RALGPS2: variants seen among roughly 807,000 people sequenced by gnomAD.
The protein encoded by RALGPS2 is ras-specific guanine nucleotide-releasing factor RalGPS2.
In RALGPS2, 43 loss-of-function variants were observed where a neutral mutation model predicts 86.8. The ratio of observed to expected loss-of-function variants is 0.50; its 90% CI spans 0.39 to 0.64. The LOEUF (loss-of-function observed/expected upper bound fraction) is 0.64, where lower values mean the gene tolerates loss of function less well. Ranked by LOEUF, RALGPS2 falls within the 30% of genes least tolerant of loss-of-function variation. The pLI is 0.00. For missense variants in RALGPS2, 536 were observed against 694.6 expected (o/e 0.77, Z 2.57); for synonymous variants, 243 against 231.3 (o/e 1.05, Z -0.46).
chr1:178,824,405 A>G (rs1046796886), intron 7 of RALGPS2, among the ~76,000 whole-genome samples: 1 of 152,202 alleles, frequency 6.6e-6, no homozygotes, highest in African/African-American at 2.4e-5. Context: ...GGTGGCAATA[A>G]TCTAGTAGAA....
rs375227301 is a variant in RALGPS2, at chr1:178,885,109, G to A, written c.938G>A (p.Arg313Gln). Residue 313 changes from arginine to glutamine, a missense_variant, in exon 12 of 20, where the codon CGA (arginine) becomes CAA (glutamine). Coordinates refer to ENST00000367635, the MANE Select transcript of RALGPS2 (RefSeq NM_152663.5). ...GTAGGAGCGTCTCCACAGAGTGGAC[G>A]AAAAAGTGTGGCAGCTGAAGGAGCC... ...PEVGASPQSGRKSVAAEGALL... is the reference protein window; with the variant it reads ...PEVGASPQSGQKSVAAEGALL... 29 of 1,610,608 alleles carry A rather than the reference G, an allele frequency of 1.8e-5. No individual in the cohort carries two copies. The highest frequency in any genetic ancestry group is 1.0e-4 in the South Asian group (9 of 90,230).
intron 8 of RALGPS2, among the ~76,000 whole-genome samples, chr1:178,844,200 A>G (rs1656754659): frequency 6.6e-6 from 1 of 152,176 alleles, no homozygotes; most frequent in Non-Finnish European, 1.5e-5. Flanking sequence ...TGCTTTATTC[A>G]TTATGTCTGC....
chr1:178,809,535 A>G (rs1162925982), intron 5 of RALGPS2, among the ~76,000 whole-genome samples: 5 of 152,174 alleles, frequency 3.3e-5, no homozygotes, highest in South Asian at 2.1e-4. Flanking sequence ...TTAAAAAAAA[A>G]CAGTTTGTTA....
chr1:178,902,620 G>T (rs1235364624), intron 18 of RALGPS2, among the ~76,000 whole-genome samples: 4 of 151,938 alleles, frequency 2.6e-5, no homozygotes, highest in Admixed American at 2.6e-4. Flanking sequence ...ACCTTGAAAT[G>T]GATTGTTATT....
At chr1:178,898,022 T>G (rs1399295698) in intron 17 of RALGPS2, among the ~76,000 whole-genome samples, 1 of 152,052 alleles carries the variant, frequency 6.6e-6, no homozygotes, top group Non-Finnish European at 1.5e-5. Flanking sequence ...AACTATTGCC[T>G]TGGAGTTTCC....
At chr1:178,853,640 C>G in intron 8 of RALGPS2, 2 of 1,609,472 alleles carry the variant, frequency 1.2e-6, no homozygotes, top group South Asian at 1.1e-5. Context: ...GCCGTCTGTT[C>G]TTTTCTGAAT....
At chr1:178,750,110 C>T (rs1156896950) in intron 1 of RALGPS2, among the ~76,000 whole-genome samples, 1 of 152,030 alleles carries the variant, frequency 6.6e-6, no homozygotes, top group Non-Finnish European at 1.5e-5. Context: ...GACTCTGTCT[C>T]AAGAAAACAA....
At chr1:178,745,750 T>C (rs777430876) in intron 1 of RALGPS2, among the ~76,000 whole-genome samples, 11 of 151,676 alleles carry the variant, frequency 7.3e-5, no homozygotes, top group Non-Finnish European at 1.6e-4. Context: ...GCATGATCCT[T>C]AAAATAGCAC....
chr1:178,891,130 G>A (rs1659696506), intron 14 of RALGPS2, among the ~76,000 whole-genome samples: 1 of 152,034 alleles, frequency 6.6e-6, no homozygotes, highest in Non-Finnish European at 1.5e-5. Flanking sequence ...AGTATTTAAT[G>A]ATGTTACCTT....
chr1:178,747,062 G>A lies in RALGPS2; in HGVS notation c.-84+21643G>A, dbSNP rs1651377599. Reference sequence around the variant, plus strand: ...ATGTATGAGAATCTCAGTTGATCTGGGGTCTGAGATAAGACCCATTTGGAA... The same window carrying A: ...ATGTATGAGAATCTCAGTTGATCTGAGGTCTGAGATAAGACCCATTTGGAA... On this transcript the variant is annotated intron_variant, in intron 1 of 19. Transcript: ENST00000367635. 3.5e-6 allele frequency: 3 copies of A among 866,648 alleles called. No individual in the cohort carries two copies. In the Admixed American group the frequency reaches 5.4e-5, roughly 16 times the overall value. The allele number at this position is 866,648 out of a possible 1,614,324, so 53.7% of individuals were successfully genotyped here. A position where few individuals can be genotyped will look rare whatever the true frequency, so the allele number is the denominator to read the frequency against.
At chr1:178,773,920 T>C (rs1652938547) in intron 1 of RALGPS2, among the ~76,000 whole-genome samples, 1 of 152,354 alleles carries the variant, frequency 6.6e-6, no homozygotes, top group East Asian at 1.9e-4. Flanking sequence ...TTAATTTTCA[T>C]GAAATACATG....
At chr1:178,877,415 A>T (rs1572441570) in intron 8 of RALGPS2, 83 bp from the exon 9 acceptor site, 1 of 1,565,220 alleles carries the variant, frequency 6.4e-7, no homozygotes, top group African/African-American at 1.4e-5. Context: ...ATATATCTAT[A>T]AACAACCCCT....
intron 7 of RALGPS2, among the ~76,000 whole-genome samples, chr1:178,825,180 T>C (rs1213066230): frequency 6.6e-6 from 1 of 152,200 alleles, no homozygotes; most frequent in African/African-American, 2.4e-5. Context: ...GGTTCAGATA[T>C]TCAGCATAAG....
chr1:178,863,186 G>T (rs1286109203), intron 8 of RALGPS2, among the ~76,000 whole-genome samples: 5 of 152,098 alleles, frequency 3.3e-5, no homozygotes, highest in Non-Finnish European at 7.4e-5. Context: ...TAGAAATGAG[G>T]GACATGCACA....
At chr1:178,809,977 G>A (rs1020334838) in intron 5 of RALGPS2, among the ~76,000 whole-genome samples, 3 of 152,142 alleles carry the variant, frequency 2.0e-5, no homozygotes, top group African/African-American at 7.2e-5. Context: ...GCCAGGTGCA[G>A]TGGCAAGTGC....
chr1:178,879,258 T>C (rs1289786864), intron 10 of RALGPS2: 1 of 281,252 alleles, frequency 3.6e-6, no homozygotes, highest in African/African-American at 2.2e-5. Context: ...AATTTCTTCC[T>C]TTCCCCCATA....
intron 8 of RALGPS2, among the ~76,000 whole-genome samples, chr1:178,835,514 T>C (rs1168101475): frequency 2.0e-5 from 3 of 149,904 alleles, no homozygotes; most frequent in African/African-American, 7.3e-5. Context: ...TGCCTCAGCC[T>C]CCCAGGTAGC....
intron 5 of RALGPS2, among the ~76,000 whole-genome samples, chr1:178,810,932 TATC>T (rs1164625857): frequency 6.6e-6 from 1 of 152,116 alleles, no homozygotes; most frequent in Admixed American, 6.6e-5. Flanking sequence ...AGTAGAGCAT[TATC>T]ATATTATATA....
chr1:178,821,795 TATA>T, intron 7 of RALGPS2, 91 bp downstream of exon 7: 2 of 993,930 alleles, frequency 2.0e-6, no homozygotes, highest in South Asian at 3.1e-5. Context: ...TTAAAGTTAA[TATA>T]ATGATAATCA....
Sources: gnomAD v4.1 joint callset for allele counts (sites outside exome capture counted in the v4.1 genomes callset) on GRCh38, gnomAD v4.1.1 for gene constraint, MANE v1.5 for transcripts, NCBI Gene and HGNC (gene_info 2026-07-23, HGNC 2026-07-21) for gene names.